The following WIPF3 variants were observed in gnomAD, a reference collection of about 807,000 sequenced individuals.
WIPF3 encodes WAS/WASL-interacting protein family member 3.
A neutral mutation model predicts 38.9 loss-of-function variants in WIPF3; 33 were observed. That is an observed-to-expected ratio of 0.85 (90% CI 0.64 to 1.14). WIPF3 has a LOEUF of 1.14. Among genes scored for constraint, WIPF3 ranks in the 50% most tolerant of loss-of-function variants. The pLI is 0.00. For missense variants in WIPF3, 711 were observed against 652.5 expected (o/e 1.09, Z -0.98); for synonymous variants, 324 against 269.3 (o/e 1.20, Z -1.99).
At chr7:29,837,892 A>G (rs1427811086) in intron 2 of WIPF3, among the ~76,000 whole-genome samples, 1 of 151,816 alleles carries the variant, frequency 6.6e-6, no homozygotes, top group Non-Finnish European at 1.5e-5. Flanking sequence ...TTAGTGAGAT[A>G]TTTTTATTTA....
chr7:29,842,404 C>T (rs1282936474), intron 2 of WIPF3, among the ~76,000 whole-genome samples: 2 of 152,130 alleles, frequency 1.3e-5, no homozygotes, highest in South Asian at 2.1e-4. Context: ...CTGCCCGTTC[C>T]GGGAGTGATG....
Position 29,884,610 on chromosome 7 carries a change from G to A in WIPF3, c.1099+17G>A. On this transcript the variant is annotated intron_variant, in intron 5 of 8. Coordinates refer to ENST00000242140, the MANE Select transcript of WIPF3 (RefSeq NM_001080529.3). ...GCCGACCAGGTAAGGAGCGCTGCCT[G>A]GCCCAGTGCCCCTGGTGGAGTGCGA... 6.3e-7 allele frequency: 1 copy of A among 1,594,176 alleles called. No individual in the cohort carries two copies. The highest frequency in any genetic ancestry group is 1.1e-5 in the South Asian group (1 of 87,308).
At chr7:29,864,639 G>A (rs987968254) in intron 2 of WIPF3, among the ~76,000 whole-genome samples, 2 of 151,978 alleles carry the variant, frequency 1.3e-5, no homozygotes, top group Admixed American at 1.3e-4. Context: ...GCTTTAATAG[G>A]GTAAGATATG....
intron 2 of WIPF3, among the ~76,000 whole-genome samples, chr7:29,857,315 C>A (rs1434836338): frequency 6.6e-6 from 1 of 152,126 alleles, no homozygotes; most frequent in Non-Finnish European, 1.5e-5. Context: ...TAAAAAGAAT[C>A]ATGGCAACGT....
Position 29,834,797 on chromosome 7 carries a change from C to A in WIPF3, c.73C>A (p.Pro25Thr), listed in dbSNP as rs1326824020. The A allele has an allele frequency of 3.1e-5, 48 of 1,538,986 alleles. No individual in the cohort carries two copies. Among genetic ancestry groups the A allele is most frequent in the Non-Finnish European group, 4.1e-5 (47 of 1,140,312 alleles). Residue 25 changes from proline (P) to threonine (T), a missense_variant, in exon 2 of 9, where the codon CCA becomes ACA. Coordinates refer to ENST00000242140, the MANE Select transcript of WIPF3 (RefSeq NM_001080529.3). ...PPPLGAPPPP[P>T]PSAPPVSTDT... Reference sequence around the variant, plus strand: ...GCCTCTGGGGGCTCCTCCCCCTCCCCCACCATCAGCACCCCCGGTAAGACC... The same window carrying A: ...GCCTCTGGGGGCTCCTCCCCCTCCCACACCATCAGCACCCCCGGTAAGACC...
intron 2 of WIPF3, among the ~76,000 whole-genome samples, chr7:29,842,032 C>T (rs544349269): frequency 6.6e-6 from 1 of 152,186 alleles, no homozygotes; most frequent in Non-Finnish European, 1.5e-5. Flanking sequence ...AGCAAAGAAG[C>T]CCCTCGGGGG....
chr7:29,915,445 A>G lies in WIPF3; in HGVS notation c.*929A>G, dbSNP rs1786595919. 6.6e-6 allele frequency: 1 copy of G among 152,190 alleles called. No individual in the cohort carries two copies. The highest frequency in any genetic ancestry group is 1.5e-5 in the Non-Finnish European group (1 of 68,048). The allele number at this position is 152,190 out of a possible 1,614,324, so 9.4% of individuals were successfully genotyped here. On this transcript the variant is annotated 3_prime_UTR_variant, in exon 9 of 9. Transcript: ENST00000242140. ...ACTTCCATGGAAAATATGACATGAA[A>G]AAGTGTAGAACGAAACATCGTGTGA...
At chr7:29,902,274 C>T (rs71532972) in intron 7 of WIPF3, among the ~76,000 whole-genome samples, 58,123 of 100,926 alleles carry the variant, frequency 0.58, 16,151 homozygotes, top group East Asian at 0.79. Flanking sequence ...TCTTCTTCTT[C>T]TTTTTTTTTT....
chr7:29,876,160 A>G (rs761686685), intron 3 of WIPF3, among the ~76,000 whole-genome samples, 198 bp downstream of exon 3: 1 of 152,274 alleles, frequency 6.6e-6, no homozygotes, highest in Non-Finnish European at 1.5e-5. Context: ...TTTAGAGCAT[A>G]ACTTCCATCC....
chr7:29,890,900 G>A lies in WIPF3; in HGVS notation c.1351+1493G>A, dbSNP rs550662003. Among the ~76,000 whole-genome samples, 3 of 143,268 alleles carry A rather than the reference G, an allele frequency of 2.1e-5. No homozygotes were observed. The South Asian group carries it at 6.8e-4, about 33-fold the overall frequency. The allele number at this position is 143,268 out of a possible 152,430, so 94.0% of individuals were successfully genotyped here. ...GGTGGAAGGGGTGAGGGCCTGCCCTGTGCTCAGGTGGGGGGAATGCGGGCC... is the reference window on the plus strand; with the variant it reads ...GGTGGAAGGGGTGAGGGCCTGCCCTATGCTCAGGTGGGGGGAATGCGGGCC... On this transcript the variant is annotated intron_variant, in intron 7 of 8. Coordinates refer to ENST00000242140, the MANE Select transcript of WIPF3 (RefSeq NM_001080529.3).
chr7:29,838,598 G>A (rs2128066198), intron 2 of WIPF3, among the ~76,000 whole-genome samples: 1 of 152,290 alleles, frequency 6.6e-6, no homozygotes, highest in East Asian at 1.9e-4. Context: ...AATGACAAAT[G>A]TTGGCAAGGA....
intron 8 of WIPF3, among the ~76,000 whole-genome samples, chr7:29,910,993 T>C (rs1786495220): frequency 6.6e-6 from 1 of 151,710 alleles, no homozygotes; most frequent in Non-Finnish European, 1.5e-5. Flanking sequence ...TGTTTGCAGA[T>C]GATATGTTGT....
intron 1 of WIPF3, among the ~76,000 whole-genome samples, chr7:29,828,883 A>G (rs911476996): frequency 6.6e-6 from 1 of 152,220 alleles, no homozygotes; most frequent in African/African-American, 2.4e-5. Flanking sequence ...GGCAACCACA[A>G]GACAGATGAG....
chr7:29,904,597 AG>A (rs1284599824), intron 8 of WIPF3: 1 of 493,866 alleles, frequency 2.0e-6, no homozygotes, highest in African/African-American at 2.0e-5. Context: ...TATAGAAGCA[AG>A]TTTAGCAACT....
chr7:29,865,712 G>T (rs1302289384), intron 2 of WIPF3, among the ~76,000 whole-genome samples: 1 of 152,198 alleles, frequency 6.6e-6, no homozygotes, highest in Non-Finnish European at 1.5e-5. Flanking sequence ...TTCTGGAATG[G>T]AAGAGAATTC....
At chr7:29,836,960 C>T (rs1784813947) in intron 2 of WIPF3, among the ~76,000 whole-genome samples, 1 of 151,986 alleles carries the variant, frequency 6.6e-6, no homozygotes, top group Admixed American at 6.6e-5. Flanking sequence ...CACTGCACTC[C>T]AGCCTGGGTG....
Position 29,914,531 on chromosome 7 carries a change from C to A in WIPF3, c.*15C>A. 4.6e-6 allele frequency: 7 copies of A among 1,515,524 alleles called. No homozygotes were observed. The South Asian group carries it at 7.8e-5, about 17-fold the overall frequency. 93.9% of individuals were successfully genotyped at this position (1,515,524 alleles called of 1,614,324 possible). ...CTCTTCGGTGAGAAGACAGATGAAG[C>A]GAAGGTCCTGGGGTTCCAGGTTGCA... On this transcript the variant is annotated 3_prime_UTR_variant, in exon 9 of 9. Transcript: ENST00000242140.
At chr7:29,864,181 G>A (rs954202653) in intron 2 of WIPF3, among the ~76,000 whole-genome samples, 2 of 152,080 alleles carry the variant, frequency 1.3e-5, no homozygotes, top group East Asian at 3.8e-4. Context: ...TTTAAATCAG[G>A]TTGTTGAAGT....
intron 4 of WIPF3, among the ~76,000 whole-genome samples, chr7:29,882,203 C>T (rs1304037796): frequency 6.6e-6 from 1 of 152,204 alleles, no homozygotes; most frequent in African/African-American, 2.4e-5. Context: ...ACATGGTGTC[C>T]TCAGTTACTT....
Sources: allele counts gnomAD v4.1 joint callset (sites outside exome capture counted in the v4.1 genomes callset), GRCh38; gene constraint gnomAD v4.1.1; transcripts MANE v1.5; gene names NCBI Gene and HGNC (gene_info 2026-07-23, HGNC 2026-07-21).